Variants in FAM13B observed in about 807,000 individuals in gnomAD.
The protein encoded by FAM13B is family with sequence similarity 13 member B.
FAM13B carries 60 observed loss-of-function variants against 117.3 expected under a neutral mutation model. The ratio of observed to expected loss-of-function variants is 0.51; its 90% CI spans 0.42 to 0.63. The LOEUF is 0.63. FAM13B is among the 30% of genes least tolerant of loss of function. The pLI, the probability that FAM13B is intolerant of heterozygous loss-of-function variation, is 0.00. For missense variants in FAM13B, 972 were observed against 1,091.9 expected (o/e 0.89, Z 1.55); for synonymous variants, 332 against 356.1 (o/e 0.93, Z 0.76).
chr5:138,020,938 C>A, intron 2 of FAM13B, 93 bp downstream of exon 2: 2 of 822,920 alleles, frequency 2.4e-6, no homozygotes, highest in African/African-American at 1.8e-5. Flanking sequence ...AACTATAAAA[C>A]CTCAAGTTAA....
chr5:138,044,303 G>A (rs1791581527), intron 1 of FAM13B, among the ~76,000 whole-genome samples: 1 of 152,112 alleles, frequency 6.6e-6, no homozygotes, highest in South Asian at 2.1e-4. Context: ...TCTATTCCCA[G>A]CACTTTGGGA....
At chr5:137,962,111 A>G (rs187674996) in intron 11 of FAM13B, among the ~76,000 whole-genome samples, 7 of 152,314 alleles carry the variant, frequency 4.6e-5, no homozygotes, top group Admixed American at 1.3e-4. Context: ...TATACTCAGA[A>G]TATCAGTAAA....
chr5:137,948,733 T>A (rs1764109937), intron 18 of FAM13B, among the ~76,000 whole-genome samples: 1 of 152,194 alleles, frequency 6.6e-6, no homozygotes, highest in African/African-American at 2.4e-5. Flanking sequence ...CCAACATAAA[T>A]GAACTCATCA....
chr5:138,019,276 C>A (rs1309815239), intron 2 of FAM13B, 130 bp from the exon 3 acceptor site: 19 of 737,842 alleles, frequency 2.6e-5, no homozygotes, highest in Non-Finnish European at 3.8e-5. Flanking sequence ...TTAGCAGGCC[C>A]ATAGTGTGTT....
intron 4 of FAM13B, among the ~76,000 whole-genome samples, chr5:138,015,478 A>G (rs12152990): frequency 0.98 from 149,258 of 152,248 alleles, 73,235 homozygotes; most frequent in Middle Eastern, 1. Context: ...CAAGGTGGGC[A>G]GATCACTTGA....
intron 1 of FAM13B, chr5:138,039,727 T>C (rs1791421722): frequency 6.7e-6 from 1 of 150,308 alleles, no homozygotes; most frequent in Admixed American, 6.7e-5. Flanking sequence ...TGAGCCACCA[T>C]GCCTAGCCTT....
rs1778814564 is a variant in FAM13B, at chr5:137,992,358, C to T, written c.849-4043G>A. 2.0e-5 allele frequency among the ~76,000 whole-genome samples: 3 copies of T among 149,848 alleles called. No individual in the cohort carries two copies. The South Asian group carries it at 6.3e-4, about 31-fold the overall frequency. On this transcript the variant is annotated intron_variant, in intron 7 of 23. Transcript: ENST00000689681. ...CCTGTAATCTCAGCACTTTGGGAGG[C>T]TAAGGCGGGCAGATCACCTGAGGTC...
At chr5:138,042,818 G>C (rs1056380941) in intron 1 of FAM13B, among the ~76,000 whole-genome samples, 2 of 152,108 alleles carry the variant, frequency 1.3e-5, no homozygotes, top group African/African-American at 4.8e-5. Flanking sequence ...GGGGCCAGGC[G>C]CGGTGGGTCA....
chr5:138,016,361 CTTTGGGAAACTGAGACAG>C (rs1162260102), intron 4 of FAM13B, among the ~76,000 whole-genome samples: 5 of 152,276 alleles, frequency 3.3e-5, no homozygotes, highest in Non-Finnish European at 2.9e-5. Context: ...AATCCCAGTG[CTTTGGGAAACTGAGACAG>C]TTTGGGAAAC....
intron 10 of FAM13B, among the ~76,000 whole-genome samples, chr5:137,982,512 C>T (rs1265852168): frequency 7.5e-6 from 1 of 132,518 alleles, no homozygotes; most frequent in Non-Finnish European, 1.6e-5. Flanking sequence ...AAGAGCGAAA[C>T]TCCATCTCAA....
At chr5:138,049,510 T>G (rs1276633382) in intron 1 of FAM13B, among the ~76,000 whole-genome samples, 1 of 148,600 alleles carries the variant, frequency 6.7e-6, no homozygotes, top group African/African-American at 2.5e-5. Flanking sequence ...TGACCTCAGA[T>G]GATCCACCCA....
intron 10 of FAM13B, among the ~76,000 whole-genome samples, chr5:137,980,787 G>A (rs1046658841): frequency 6.6e-6 from 1 of 152,072 alleles, no homozygotes; most frequent in Non-Finnish European, 1.5e-5. Context: ...TTGTTTACTA[G>A]CTTACTATGT....
At chr5:137,940,780 T>A (rs1761478836) in intron 23 of FAM13B, among the ~76,000 whole-genome samples, 1 of 152,236 alleles carries the variant, frequency 6.6e-6, no homozygotes. Context: ...AACTTTATAG[T>A]AATGACCCAA....
At chr5:137,988,613 C>T (rs935461300) in intron 7 of FAM13B, among the ~76,000 whole-genome samples, 7 of 152,190 alleles carry the variant, frequency 4.6e-5, no homozygotes, top group African/African-American at 1.2e-4. Context: ...CATTTAATAA[C>T]TTTCAATACC....
rs1435913518 is a variant in FAM13B, at chr5:137,940,039, T to G, written c.*186A>C. The G allele has an allele frequency of 6.2e-7, 1 of 1,613,498 alleles. No individual in the cohort carries two copies. Among genetic ancestry groups the G allele is most frequent in the Non-Finnish European group, 8.5e-7 (1 of 1,179,666 alleles). ...TCTGTGGTTAATATGGAACATCACT[T>G]ACGCTCCCTTGAGAGGGCCTACTTA... On this transcript the variant is annotated 3_prime_UTR_variant, in exon 24 of 24. Coordinates refer to ENST00000689681, the MANE Select transcript of FAM13B (RefSeq NM_001385994.1).
chr5:138,011,245 T>C, intron 5 of FAM13B, 96 bp from the exon 6 acceptor site: 1 of 1,117,992 alleles, frequency 8.9e-7, no homozygotes, highest in Non-Finnish European at 1.3e-6. Context: ...ACATGGGCAA[T>C]TTATGTTACC....
rs768076760 is a variant in FAM13B at position 137,948,943 on chromosome 5, G to C, written c.2160+12C>G. The C allele has an allele frequency of 1.2e-6, 2 of 1,601,058 alleles. No homozygotes were observed. The highest frequency in any genetic ancestry group is 1.7e-6 in the Non-Finnish European group (2 of 1,169,700). ...AAGGCTAATCTGGGCAAAAATCATAGCTCAAGATTACCTTGATATCTTCTG... is the reference window on the plus strand; with the variant it reads ...AAGGCTAATCTGGGCAAAAATCATACCTCAAGATTACCTTGATATCTTCTG... On this transcript the variant is annotated intron_variant, in intron 18 of 23. Transcript: ENST00000689681.
In FAM13B at chr5:137,959,071, T is replaced by C. The variant is rs567792487; in HGVS notation, c.1441+545A>G. Among the ~76,000 whole-genome samples, 16 of 152,354 alleles carry C rather than the reference T, an allele frequency of 1.1e-4. No individual in the cohort carries two copies. In the East Asian group the frequency reaches 3.1e-3, roughly 29 times the overall value. ...TGAGAAATGCATATACCCATGTTGTTTGCTTGTTAAATTTTAACTTCTCTC... is the reference window on the plus strand; with the variant it reads ...TGAGAAATGCATATACCCATGTTGTCTGCTTGTTAAATTTTAACTTCTCTC... On this transcript the variant is annotated intron_variant, in intron 13 of 23. Coordinates refer to ENST00000689681, the MANE Select transcript of FAM13B (RefSeq NM_001385994.1).
chr5:138,014,574 T>C lies in FAM13B; in HGVS notation c.371-2629A>G, dbSNP rs1391726815. Among the ~76,000 whole-genome samples the C allele has an allele frequency of 4.6e-5, 7 of 152,234 alleles. No homozygotes were observed. In the East Asian group the frequency reaches 1.3e-3, roughly 29 times the overall value. On this transcript the variant is annotated intron_variant, in intron 4 of 23. Coordinates refer to ENST00000689681, the MANE Select transcript of FAM13B (RefSeq NM_001385994.1). ...AAACCAGTCCCTGGTGTCAAAAAGG[T>C]TGGGGATTGCTGATCTAGAGCACTG... is the stretch of plus-strand genomic sequence containing the variant.
Sources: gnomAD v4.1 joint callset for allele counts (sites outside exome capture counted in the v4.1 genomes callset) on GRCh38, gnomAD v4.1.1 for gene constraint, MANE v1.5 for transcripts, NCBI Gene and HGNC (gene_info 2026-07-23, HGNC 2026-07-21) for gene names.